Variants in NKAIN2 observed in about 807,000 individuals in gnomAD.
The protein encoded by NKAIN2 is sodium/potassium transporting ATPase interacting 2.
NKAIN2 carries 14 observed loss-of-function variants against 32.6 expected under a neutral mutation model. That is an observed-to-expected ratio of 0.43 (90% CI 0.28 to 0.67). The LOEUF is 0.67. Ranked by LOEUF, NKAIN2 falls within the 30% of genes least tolerant of loss-of-function variation. The probability of loss-of-function intolerance (pLI) is 0.17; values close to 1 mark genes in which losing one functional copy is unlikely to be tolerated. For synonymous variants in NKAIN2, 80 were observed against 87.2 expected (o/e 0.92, Z 0.46); for missense variants, 198 against 258.3 (o/e 0.77, Z 1.60).
intron 1 of NKAIN2, among the ~76,000 whole-genome samples, chr6:123,815,689 C>G (rs1299591188): frequency 6.6e-6 from 1 of 152,014 alleles, no homozygotes; most frequent in Non-Finnish European, 1.5e-5. Flanking sequence ...TCATGAAGAG[C>G]TTCTGCTTAT....
At chr6:124,286,362 G>A (rs1795540528) in intron 2 of NKAIN2, among the ~76,000 whole-genome samples, 1 of 151,836 alleles carries the variant, frequency 6.6e-6, no homozygotes, top group Non-Finnish European at 1.5e-5. Flanking sequence ...TTCCTTAGGA[G>A]AAATACCTAG....
At chr6:123,850,399 T>TC (rs1775290437) in intron 1 of NKAIN2, among the ~76,000 whole-genome samples, 1 of 150,936 alleles carries the variant, frequency 6.6e-6, no homozygotes, top group Admixed American at 6.6e-5. Flanking sequence ...TATATTTTTT[T>TC]CCCCTCCAAG....
At chr6:124,424,387 T>G (rs1774890161) in intron 3 of NKAIN2, among the ~76,000 whole-genome samples, 1 of 152,194 alleles carries the variant, frequency 6.6e-6, no homozygotes, top group Non-Finnish European at 1.5e-5. Context: ...TACTACTGTG[T>G]GTGTGTATGT....
At chr6:124,195,604 T>C (rs868350083) in intron 1 of NKAIN2, among the ~76,000 whole-genome samples, 40 of 152,268 alleles carry the variant, frequency 2.6e-4, no homozygotes, top group African/African-American at 8.2e-4. Flanking sequence ...AAGTCACTGA[T>C]ACAAGTGAGA....
At chr6:123,898,251 T>G (rs1051181016) in intron 1 of NKAIN2, among the ~76,000 whole-genome samples, 5 of 152,132 alleles carry the variant, frequency 3.3e-5, no homozygotes, top group Admixed American at 1.3e-4. Flanking sequence ...TTTACTTTAC[T>G]TTTTCCACAT....
At chr6:123,986,580 A>C (rs1055219079) in intron 1 of NKAIN2, among the ~76,000 whole-genome samples, 11 of 152,098 alleles carry the variant, frequency 7.2e-5, no homozygotes, top group African/African-American at 2.7e-4. Flanking sequence ...GCTCTATGTT[A>C]CACTCAACTT....
intron 6 of NKAIN2, chr6:124,819,174 AG>A: frequency 9.2e-6 from 8 of 865,866 alleles, no homozygotes; most frequent in Non-Finnish European, 1.1e-5. Context: ...CAAAATAGAA[AG>A]TAAGATTCCA....
intron 2 of NKAIN2, among the ~76,000 whole-genome samples, chr6:124,354,195 C>T (rs1798863090): frequency 1.3e-5 from 2 of 152,170 alleles, no homozygotes; most frequent in African/African-American, 4.8e-5. Context: ...ATGTACTCCT[C>T]TCATTTTCCT....
chr6:123,899,605 A>G (rs117598364), intron 1 of NKAIN2, among the ~76,000 whole-genome samples: 1,990 of 152,318 alleles, frequency 0.013, 22 homozygotes, highest in Non-Finnish European at 0.02. Context: ...AATGGAAGGA[A>G]AAACACTACC....
chr6:124,277,677 C>A (rs1046923436), intron 1 of NKAIN2, among the ~76,000 whole-genome samples: 16 of 152,134 alleles, frequency 1.1e-4, no homozygotes, highest in Admixed American at 2.0e-4. Context: ...ACACTGAAAT[C>A]TGAGTCTGTC....
At chr6:124,344,622 G>T (rs2115097702) in intron 2 of NKAIN2, among the ~76,000 whole-genome samples, 1 of 151,982 alleles carries the variant, frequency 6.6e-6, no homozygotes, top group African/African-American at 2.4e-5. Flanking sequence ...CTCATGATTT[G>T]GCTCTCTGTT....
At chr6:124,082,628 T>A (rs1237858370) in intron 1 of NKAIN2, among the ~76,000 whole-genome samples, 1 of 151,884 alleles carries the variant, frequency 6.6e-6, no homozygotes, top group Admixed American at 6.6e-5. Context: ...TTATGACACA[T>A]GGCCAATATA....
chr6:124,296,902 G>A (rs772453983), intron 2 of NKAIN2, among the ~76,000 whole-genome samples: 22 of 152,042 alleles, frequency 1.4e-4, no homozygotes, highest in Admixed American at 8.5e-4. Context: ...AAAAAGTAGT[G>A]CCTATTTAGG....
At chr6:124,561,671 G>T (rs1256173079) in intron 3 of NKAIN2, among the ~76,000 whole-genome samples, 1 of 152,008 alleles carries the variant, frequency 6.6e-6, no homozygotes, top group East Asian at 1.9e-4. Context: ...CACCTTCCAA[G>T]CTGGGGTGGA....
At chr6:124,476,537 A>G (rs1562209061) in intron 3 of NKAIN2, among the ~76,000 whole-genome samples, 1 of 152,100 alleles carries the variant, frequency 6.6e-6, no homozygotes, top group East Asian at 1.9e-4. Context: ...AAATACAATC[A>G]AAATTCTCAG....
At chr6:124,118,912 A>T (rs1785745950) in intron 1 of NKAIN2, among the ~76,000 whole-genome samples, 2 of 152,156 alleles carry the variant, frequency 1.3e-5, no homozygotes, top group South Asian at 4.1e-4. Flanking sequence ...TGGGTGTACC[A>T]ATAAAACTTT....
chr6:124,743,097 G>A (rs983645514), intron 4 of NKAIN2, among the ~76,000 whole-genome samples: 3 of 151,874 alleles, frequency 2.0e-5, no homozygotes, highest in Admixed American at 6.6e-5. Flanking sequence ...AGAGGCAGGG[G>A]ATAGTGGTTG....
intron 1 of NKAIN2, among the ~76,000 whole-genome samples, chr6:123,842,771 C>G (rs1468501682): frequency 6.6e-6 from 1 of 152,062 alleles, no homozygotes; most frequent in African/African-American, 2.4e-5. Flanking sequence ...GCTAAAGACC[C>G]CATGCTAGTT....
intron 2 of NKAIN2, among the ~76,000 whole-genome samples, chr6:124,333,129 C>G (rs1323481451): frequency 6.6e-6 from 1 of 152,134 alleles, no homozygotes; most frequent in African/African-American, 2.4e-5. Context: ...GTGAAAGATT[C>G]TATTAAATCC....
Sources: gnomAD v4.1 joint callset for allele counts (sites outside exome capture counted in the v4.1 genomes callset) on GRCh38, gnomAD v4.1.1 for gene constraint, MANE v1.5 for transcripts, NCBI Gene and HGNC (gene_info 2026-07-23, HGNC 2026-07-21) for gene names.